The following ANKS1A variants were observed in gnomAD, a reference collection of about 807,000 sequenced individuals.
ANKS1A encodes the protein ankyrin repeat and sterile alpha motif domain containing 1A, also known as ankyrin repeat and SAM domain-containing protein 1A.
A neutral mutation model predicts 120.3 loss-of-function variants in ANKS1A; 55 were observed. The observed-to-expected ratio is 0.46, with a 90% CI of 0.37 to 0.57. The LOEUF (loss-of-function observed/expected upper bound fraction) is 0.57. Among genes scored for constraint, ANKS1A ranks in the 20% least tolerant of loss-of-function variants. The pLI, the probability that ANKS1A is intolerant of heterozygous loss-of-function variation, is 0.00. For missense variants in ANKS1A, 1,123 were observed against 1,480.3 expected (o/e 0.76, Z 3.96); for synonymous variants, 590 against 604.7 (o/e 0.98, Z 0.36).
intron 11 of ANKS1A, among the ~76,000 whole-genome samples, chr6:35,043,244 T>C (rs1476578448): frequency 6.6e-6 from 1 of 152,200 alleles, no homozygotes; most frequent in Admixed American, 6.5e-5. Context: ...GTAACCTGAG[T>C]TGACAATGAG....
chr6:34,947,625 A>G (rs1257653986), intron 1 of ANKS1A, among the ~76,000 whole-genome samples: 3 of 152,206 alleles, frequency 2.0e-5, no homozygotes, highest in Non-Finnish European at 4.4e-5. Flanking sequence ...TGACTGTTGC[A>G]AATGGCTGCC....
chr6:35,058,221 A>C lies in ANKS1A; in HGVS notation c.2078-1926A>C, dbSNP rs949860873. On this transcript the variant is annotated intron_variant, in intron 12 of 23. Transcript: ENST00000360359. This position sits in a 1 kb window ranked among gnomAD's most constrained non-coding sequence, Gnocchi z 5.1. ...GAGAGTGAGCAAGGACTGTGGAGCC[A>C]GCAGCAGGCAGCGTGGAGCCCAGGA... is the stretch of plus-strand genomic sequence containing the variant. 1.3e-5 allele frequency: 2 copies of C among 152,590 alleles called. No homozygotes were observed. The highest frequency in any genetic ancestry group is 4.8e-5 in the African/African-American group (2 of 41,458). The allele number at this position is 152,590 out of a possible 1,614,324, so 9.5% of individuals were successfully genotyped here.
intron 17 of ANKS1A, 100 bp downstream of exon 17, chr6:35,081,258 T>G: frequency 7.1e-7 from 1 of 1,411,122 alleles, no homozygotes; most frequent in Non-Finnish European, 9.3e-7. Flanking sequence ...TTGAGCACAG[T>G]TGGGCTGGCA....
At chr6:34,925,290 G>A (rs1768652928) in intron 1 of ANKS1A, among the ~76,000 whole-genome samples, 2 of 152,020 alleles carry the variant, frequency 1.3e-5, no homozygotes, top group Non-Finnish European at 2.9e-5. Flanking sequence ...CCCTTAAGTG[G>A]TGTCATTCCT....
At chr6:35,054,313 A>G in intron 12 of ANKS1A, 148 bp downstream of exon 12, 1 of 665,520 alleles carries the variant, frequency 1.5e-6, no homozygotes, top group East Asian at 2.8e-5. Context: ...TTCAGTCTCC[A>G]ATACCTAGAC....
chr6:35,065,877 G>A (rs1242916913), intron 13 of ANKS1A, among the ~76,000 whole-genome samples: 1 of 152,214 alleles, frequency 6.6e-6, no homozygotes, highest in Non-Finnish European at 1.5e-5. Flanking sequence ...TTCTGGGCCT[G>A]TGCAGCCACC....
In ANKS1A at chr6:35,085,288, TACAC is replaced by T. The variant is rs966777832; in HGVS notation, c.3133-477_3133-474del. ...TTACCTGTTGCTGACTTTTCCCACA[TACAC>T]TCAGTTCTGCTGTAACGCCACACAT... is the stretch of plus-strand genomic sequence containing the variant. On this transcript the variant is annotated intron_variant, in intron 21 of 23. Coordinates refer to ENST00000360359, the MANE Select transcript of ANKS1A (RefSeq NM_015245.3). The surrounding 1 kb of genome is among the most constrained non-coding windows in gnomAD (Gnocchi z 4.7). 6.6e-6 allele frequency among the ~76,000 whole-genome samples: 1 copy of T among 152,182 alleles called. No homozygotes were observed. The highest frequency in any genetic ancestry group is 2.4e-5 in the African/African-American group (1 of 41,448).
At chr6:34,905,412 C>T (rs116597714) in intron 1 of ANKS1A, among the ~76,000 whole-genome samples, 2,263 of 152,328 alleles carry the variant, frequency 0.015, 46 homozygotes, top group African/African-American at 0.048. Flanking sequence ...CTGAGTAGCT[C>T]AGAGGTATTG....
At chr6:35,088,487 G>A (rs1281354538) in intron 23 of ANKS1A, 119 bp from the exon 24 acceptor site, 3 of 1,305,976 alleles carry the variant, frequency 2.3e-6, no homozygotes, top group Non-Finnish European at 3.3e-6. Flanking sequence ...CATGGAGGGT[G>A]CCCCGGGGAG....
chr6:35,065,244 C>A (rs1486665880), intron 13 of ANKS1A, among the ~76,000 whole-genome samples: 1 of 150,680 alleles, frequency 6.6e-6, no homozygotes, highest in Non-Finnish European at 1.5e-5. Flanking sequence ...GCAGCGCAGG[C>A]ATTCCAGGTG....
chr6:34,954,480 T>C (rs1770248310), intron 1 of ANKS1A, among the ~76,000 whole-genome samples: 1 of 152,170 alleles, frequency 6.6e-6, no homozygotes, highest in African/African-American at 2.4e-5. Flanking sequence ...TGAAGATAAC[T>C]GTCCTTGGCA....
At chr6:34,967,170 ATCTC>A in intron 1 of ANKS1A, 65 bp from the exon 2 acceptor site, 1 of 1,472,396 alleles carries the variant, frequency 6.8e-7, no homozygotes, top group Non-Finnish European at 9.4e-7. Flanking sequence ...TTAGCTAGCT[ATCTC>A]TAACTTTGGT....
chr6:35,055,425 G>A (rs1236488323), intron 12 of ANKS1A, among the ~76,000 whole-genome samples: 1 of 152,064 alleles, frequency 6.6e-6, no homozygotes, highest in Non-Finnish European at 1.5e-5. Context: ...CGCCTCCTGG[G>A]TTCAAGCGTT....
chr6:34,976,777 C>CGTGTGTGTGTGTGT (rs34002253), intron 3 of ANKS1A, among the ~76,000 whole-genome samples: 1 of 149,278 alleles, frequency 6.7e-6, no homozygotes, highest in Non-Finnish European at 1.5e-5. Context: ...TGTGTGTGTG[C>CGTGTGTGTGTGTGT]GTGTGTGTGT....
At chr6:34,992,819 G>C (rs1037870372) in intron 9 of ANKS1A, among the ~76,000 whole-genome samples, 1 of 152,220 alleles carries the variant, frequency 6.6e-6, no homozygotes, top group Non-Finnish European at 1.5e-5. Flanking sequence ...TAGAGTGGCA[G>C]CCTTGTTAAC....
At chr6:34,943,655 T>C (rs1769640727) in intron 1 of ANKS1A, among the ~76,000 whole-genome samples, 1 of 152,252 alleles carries the variant, frequency 6.6e-6, no homozygotes, top group South Asian at 2.1e-4. Flanking sequence ...TTGCTTTTAC[T>C]GAAATATCTA....
intron 11 of ANKS1A, among the ~76,000 whole-genome samples, chr6:35,029,185 C>G (rs1774774707): frequency 6.6e-6 from 1 of 151,144 alleles, no homozygotes; most frequent in Non-Finnish European, 1.5e-5. Flanking sequence ...TTGAATTGAT[C>G]TCTTTGTTAC....
At chr6:35,000,050 A>G (rs1469545369) in intron 10 of ANKS1A, among the ~76,000 whole-genome samples, 1 of 152,218 alleles carries the variant, frequency 6.6e-6, no homozygotes, top group East Asian at 1.9e-4. Context: ...AAGCCAAGGT[A>G]AATTTGAAAC....
chr6:34,923,074 G>T (rs145748088), intron 1 of ANKS1A, among the ~76,000 whole-genome samples: 32 of 152,316 alleles, frequency 2.1e-4, no homozygotes, highest in Non-Finnish European at 4.3e-4. Flanking sequence ...TGAAGAAGAC[G>T]TCTAGAAAGA....
Sources: allele counts gnomAD v4.1 joint callset (sites outside exome capture counted in the v4.1 genomes callset), GRCh38; gene constraint gnomAD v4.1.1; non-coding constraint Gnocchi (gnomAD v3.1); transcripts MANE v1.5; gene names NCBI Gene and HGNC (gene_info 2026-07-23, HGNC 2026-07-21).